NOD2: variants seen among roughly 807,000 people sequenced by gnomAD.
The protein encoded by NOD2 is nucleotide-binding oligomerization domain-containing protein 2.
Under a neutral mutation model 90.9 loss-of-function variants are expected in NOD2, and 86 were observed. That is an observed-to-expected ratio of 0.95 (90% CI 0.79 to 1.13). The LOEUF is 1.13. Among genes scored for constraint, NOD2 ranks in the 50% most tolerant of loss-of-function variants. The pLI, the probability that NOD2 is intolerant of heterozygous loss-of-function variation, is 0.00. For synonymous variants in NOD2, 581 were observed against 554.6 expected (o/e 1.05, Z -0.67); for missense variants, 1,238 against 1,283.8 (o/e 0.96, Z 0.55).
chr16:50,729,408 C>A (rs1370299507), intron 10 of NOD2, among the ~76,000 whole-genome samples: 1 of 152,122 alleles, frequency 6.6e-6, no homozygotes, highest in Non-Finnish European at 1.5e-5. Context: ...CCTGCTTACA[C>A]CCATCACAAT....
At position 50,699,517 on chromosome 16, in the gene NOD2, C is replaced by G; in HGVS notation, c.22C>G (p.Gln8Glu). 1.2e-6 allele frequency: 2 copies of G among 1,613,724 alleles called. No individual in the cohort carries two copies. Among genetic ancestry groups the G allele is most frequent in the Non-Finnish European group, 1.7e-6 (2 of 1,180,012 alleles). MCSQEAF[Q>E]AQRSQLVELL... ...TGAAATGTGCTCGCAGGAGGCTTTT[C>G]AGGCACAGAGGAGCCAGCTGGTCGA... The change falls in exon 2 of 12, where the codon CAG (glutamine) becomes GAG (glutamate). Residue 8 changes from glutamine (Q) to glutamate (E), a missense_variant. Gln to Glu is a conservative substitution (Grantham distance 29, BLOSUM62 2). This residue lies in a region of NOD2 where 567 missense variants were observed against 577.3 expected (regional missense o/e 0.98). Coordinates refer to ENST00000647318, the MANE Select transcript of NOD2 (RefSeq NM_001370466.1).
intron 1 of NOD2, among the ~76,000 whole-genome samples, chr16:50,695,220 G>A (rs1238961187): frequency 6.6e-6 from 1 of 152,124 alleles, no homozygotes; most frequent in African/African-American, 2.4e-5. Context: ...GTCATTCTCG[G>A]GAGAGACCAT....
Position 50,725,471 on chromosome 16 carries a change from C to G in NOD2, c.2802-18C>G, listed in dbSNP as rs768109369. ...ATCAATGTTGTATCAACTGGATTTT[C>G]TCTCTTCTTCTCACCAGCCTGGAGG... On this transcript the variant is annotated intron_variant, in intron 9 of 11. Coordinates refer to ENST00000647318, the MANE Select transcript of NOD2 (RefSeq NM_001370466.1). 5 of 1,599,536 alleles carry G rather than the reference C, an allele frequency of 3.1e-6. No homozygotes were observed. In the South Asian group the frequency reaches 5.5e-5, roughly 18 times the overall value.
In NOD2 at chr16:50,699,680, T is replaced by A. The variant is rs1286052486; in HGVS notation, c.185T>A (p.Leu62Gln). 11 of 1,614,064 alleles carry A rather than the reference T, an allele frequency of 6.8e-6. No individual in the cohort carries two copies. The highest frequency in any genetic ancestry group is 1.6e-4 in the Middle Eastern group (1 of 6,084). Residue 62 changes from leucine (L) to glutamine (Q), a missense_variant, in exon 2 of 12, where the codon CTG becomes CAG. Physicochemically the swap from Leu to Gln is moderately radical, Grantham distance 113 (BLOSUM62 -2). This residue lies in a region of NOD2 where 567 missense variants were observed against 577.3 expected (regional missense o/e 0.98). Coordinates refer to ENST00000647318, the MANE Select transcript of NOD2 (RefSeq NM_001370466.1). ...CTCTCCCACTTGGCCAGGCGCCTTC[T>A]GGACACCGTCTGGAATAAGGGTACT... The part of the protein sequence containing the change: ...QPLSHLARRL[L>Q]DTVWNKGTWA...
intron 10 of NOD2, chr16:50,727,720 G>T: frequency 2.8e-6 from 1 of 353,354 alleles, no homozygotes; most frequent in Non-Finnish European, 5.6e-6. Context: ...CATGCAGTCG[G>T]GTGTTGTCGT....
chr16:50,721,352 C>T (rs1242094017), intron 7 of NOD2, among the ~76,000 whole-genome samples: 1 of 136,080 alleles, frequency 7.3e-6, no homozygotes, highest in African/African-American at 3.0e-5. Flanking sequence ...ACAAAGTGTT[C>T]TGTAACTTGC....
At chr16:50,728,446 A>G (rs1168292936) in intron 10 of NOD2, 2 of 216,484 alleles carry the variant, frequency 9.2e-6, no homozygotes, top group South Asian at 6.6e-5. Flanking sequence ...CATCATTTTC[A>G]TAGTCTAAAA....
In NOD2 at chr16:50,716,407, A is replaced by G. The variant is rs1964794909; in HGVS notation, c.2382-180A>G. The stretch of plus-strand genomic sequence containing the variant: ...CATCCCCATCATAGTGCACCACGTC[A>G]CCTCCCTGGCCAGGGACCGTGGGGT... On this transcript the variant is annotated intron_variant, in intron 4 of 11. Coordinates refer to ENST00000647318, the MANE Select transcript of NOD2 (RefSeq NM_001370466.1). 2.0e-5 allele frequency among the ~76,000 whole-genome samples: 3 copies of G among 151,672 alleles called. No homozygotes were observed. The South Asian group carries it at 6.3e-4, about 32-fold the overall frequency.
chr16:50,695,403 T>A lies in NOD2; in HGVS notation c.-9+1741T>A, dbSNP rs557088123. Among the ~76,000 whole-genome samples, 7 of 152,292 alleles carry A rather than the reference T, an allele frequency of 4.6e-5. No individual in the cohort carries two copies. The East Asian group carries it at 1.4e-3, about 29-fold the overall frequency. On this transcript the variant is annotated intron_variant, in intron 1 of 11. Coordinates refer to ENST00000647318, the MANE Select transcript of NOD2 (RefSeq NM_001370466.1). ...CTGGAGGTTTGAAGCTGCCATGAAC[T>A]GAAATGGGAGTTGCTTAGCGGAGAG...
At chr16:50,693,726 C>T (rs113656815) in intron 1 of NOD2, 64 bp downstream of exon 1, 5,379 of 152,456 alleles carry the variant, frequency 0.035, 241 homozygotes, top group East Asian at 0.097. Flanking sequence ...GAGGGTCCCA[C>T]CCCCGGGACT....
chr16:50,712,494 A>G, intron 4 of NOD2, 121 bp downstream of exon 4: 1 of 1,228,834 alleles, frequency 8.1e-7, no homozygotes, highest in Admixed American at 1.7e-5. Flanking sequence ...CCTGCTTTGC[A>G]ACACTGCCCA....
At chr16:50,725,894 C>T (rs1283445862) in intron 10 of NOD2, among the ~76,000 whole-genome samples, 1 of 152,228 alleles carries the variant, frequency 6.6e-6, no homozygotes, top group Non-Finnish European at 1.5e-5. Context: ...GCAGAACACA[C>T]ATGGTCACCT....
At chr16:50,701,344 A>G (rs1447584079) in intron 2 of NOD2, among the ~76,000 whole-genome samples, 1 of 152,212 alleles carries the variant, frequency 6.6e-6, no homozygotes, top group Non-Finnish European at 1.5e-5. Context: ...GGGTTGGGGA[A>G]CATTTTAGTT....
chr16:50,731,650 C>T, intron 11 of NOD2, 97 bp from the exon 12 acceptor site: 3 of 856,930 alleles, frequency 3.5e-6, no homozygotes, highest in Admixed American at 1.8e-5. Flanking sequence ...AGAGTCAGCC[C>T]ATCCCAGGCA....
chr16:50,729,162 A>T (rs1284476649), intron 10 of NOD2: 1 of 155,850 alleles, frequency 6.4e-6, no homozygotes, highest in East Asian at 1.9e-4. Flanking sequence ...TGTAATGAGA[A>T]CAGGATGGGA....
Position 50,711,854 on chromosome 16 carries a change from G to A in NOD2, c.1862G>A (p.Cys621Tyr). 1.9e-6 allele frequency: 3 copies of A among 1,612,396 alleles called. No homozygotes were observed. Among genetic ancestry groups the A allele is most frequent in the Middle Eastern group, 3.3e-4 (2 of 6,054 alleles). ...ATGGCCAGGCTCCTGCCCACGATGT[G>A]CATCCAGGCCTCGGAGGGAAAGGAC... The part of the protein sequence containing the change: ...SPMARLLPTM[C>Y]IQASEGKDSS... The change falls in exon 4 of 12, where the codon TGC becomes TAC. Residue 621 changes from cysteine to tyrosine, a missense_variant. Cys to Tyr is a radical substitution (Grantham distance 194, BLOSUM62 -2). Transcript: ENST00000647318.
intron 6 of NOD2, among the ~76,000 whole-genome samples, chr16:50,717,878 T>G (rs556029292): frequency 6.5e-4 from 99 of 152,324 alleles, no homozygotes; most frequent in Admixed American, 4.2e-3. Context: ...AGTCCTCCGG[T>G]ATGTGCAGGA....
chr16:50,727,053 T>A (rs1965290355), intron 10 of NOD2, among the ~76,000 whole-genome samples: 1 of 147,480 alleles, frequency 6.8e-6, no homozygotes, highest in Non-Finnish European at 1.5e-5. Context: ...GGCAGGAGAA[T>A]CACTTGAACC....
chr16:50,729,021 G>C (rs554204256), intron 10 of NOD2: 1 of 154,776 alleles, frequency 6.5e-6, no homozygotes, highest in African/African-American at 2.4e-5. Context: ...ACAGTTCCAC[G>C]TGGCTGGGGA....
Sources: gnomAD v4.1 joint callset for allele counts (sites outside exome capture counted in the v4.1 genomes callset) on GRCh38, gnomAD v4.1.1 for gene constraint, gnomAD v4.1.1 regional missense constraint, MANE v1.5 for transcripts, NCBI Gene and HGNC (gene_info 2026-07-23, HGNC 2026-07-21) for gene names.